Variants in CLIP1 observed in about 807,000 individuals in gnomAD.
CLIP1 encodes the protein CAP-Gly domain-containing linker protein 1.
CLIP1 carries 66 observed loss-of-function variants against 161.6 expected under a neutral mutation model. The ratio of observed to expected loss-of-function variants is 0.41; its 90% CI spans 0.33 to 0.50. The LOEUF is 0.50. Among genes scored for constraint, CLIP1 ranks in the 20% least tolerant of loss-of-function variants. The pLI, the probability that CLIP1 is intolerant of heterozygous loss-of-function variation, is 0.27. For missense variants in CLIP1, 1,376 were observed against 1,702.0 expected, an observed-to-expected ratio of 0.81 and a Z score of 3.37; for synonymous variants, 598 against 626.2, an observed-to-expected ratio of 0.96 and a Z score of 0.67.
intron 20 of CLIP1, among the ~76,000 whole-genome samples, chr12:122,308,232 CA>C (rs1950945472): frequency 1.3e-5 from 2 of 152,272 alleles, no homozygotes; most frequent in South Asian, 4.1e-4. Context: ...AAGGTCACAG[CA>C]TAAGTCAAGA....
chr12:122,342,184 T>C (rs1165604348), intron 10 of CLIP1: 1 of 152,262 alleles, frequency 6.6e-6, no homozygotes, highest in African/African-American at 2.4e-5. Context: ...CTAACTGTGA[T>C]AATGGCTTAA....
Position 122,403,496 on chromosome 12 carries a change from TTTG to T in CLIP1, c.-107+19022_-107+19024del, listed in dbSNP as rs1338708719. On this transcript the variant is annotated intron_variant, in intron 1 of 25. Coordinates refer to ENST00000620786, the MANE Select transcript of CLIP1 (RefSeq NM_001247997.2). ...TACAGTAGGAGACATCATTTCTTGTTTTGTTTTTTTTTTTTTTTTTTTTGGTCT... is the reference window on the plus strand; with the variant it reads ...TACAGTAGGAGACATCATTTCTTGTTTTTTTTTTTTTTTTTTTTTTGGTCT... Among the ~76,000 whole-genome samples the T allele has an allele frequency of 6.3e-3, 459 of 72,388 alleles. 15 individuals carry two copies. The highest frequency in any genetic ancestry group is 0.028 in the East Asian group (78 of 2,772). The allele number at this position is 72,388 out of a possible 152,430, so 47.5% of individuals were successfully genotyped here. A position where few individuals can be genotyped will look rare whatever the true frequency, so the allele number is the denominator to read the frequency against.
In CLIP1 at chr12:122,279,101, A is replaced by T. The variant is rs1296988535; in HGVS notation, c.3692T>A (p.Leu1231Ter). The part of the protein sequence containing the change: ...IKDADEEKAS[L>*]QKSISITSAL... ...ACTAGTTATACTGATGGATTTCTGC[A>T]AGGAAGCTTTCTCTTCATCTGCGTC... Residue 1231 changes from leucine (L) to a stop codon, truncating the protein, a stop_gained, in exon 22 of 26, where the codon TTG becomes TAG. Coordinates refer to ENST00000620786, the MANE Select transcript of CLIP1 (RefSeq NM_001247997.2). LOFTEE classifies it high-confidence loss of function. This position sits in a 1 kb window ranked among gnomAD's most constrained non-coding sequence, Gnocchi z 4.5. 2 of 1,613,018 alleles carry T rather than the reference A, an allele frequency of 1.2e-6. No homozygotes were observed. Among genetic ancestry groups the T allele is most frequent in the Non-Finnish European group, 1.7e-6 (2 of 1,179,802 alleles).
At chr12:122,283,421 A>G (rs1955724013) in intron 21 of CLIP1, among the ~76,000 whole-genome samples, 1 of 151,938 alleles carries the variant, frequency 6.6e-6, no homozygotes, top group South Asian at 2.1e-4. Flanking sequence ...GCAAATAAAG[A>G]AGGATTCCAC....
intron 1 of CLIP1, among the ~76,000 whole-genome samples, chr12:122,415,461 G>A (rs761189884): frequency 8.1e-4 from 112 of 138,656 alleles, no homozygotes; most frequent in Non-Finnish European, 1.1e-3. Context: ...CAGCCTGGGC[G>A]ACAGAGTGAG....
chr12:122,417,666 C>A (rs1170668801), intron 1 of CLIP1, among the ~76,000 whole-genome samples: 1 of 151,870 alleles, frequency 6.6e-6, no homozygotes, highest in Non-Finnish European at 1.5e-5. Flanking sequence ...GCACCCGCCA[C>A]CAAGCCTGGC....
At chr12:122,386,437 A>G (rs1244035066) in intron 1 of CLIP1, among the ~76,000 whole-genome samples, 1 of 152,234 alleles carries the variant, frequency 6.6e-6, no homozygotes, top group Non-Finnish European at 1.5e-5. Flanking sequence ...TCTTGAAAAG[A>G]GACAGTGAGT....
intron 20 of CLIP1, among the ~76,000 whole-genome samples, chr12:122,301,145 A>G (rs945473262): frequency 6.6e-6 from 1 of 152,224 alleles, no homozygotes; most frequent in African/African-American, 2.4e-5. Context: ...AGAATGCATG[A>G]TCTTGGACTG....
intron 1 of CLIP1, among the ~76,000 whole-genome samples, chr12:122,410,376 T>C (rs1288542536): frequency 6.7e-6 from 1 of 150,206 alleles, no homozygotes; most frequent in African/African-American, 2.5e-5. Context: ...AACATACCAT[T>C]GTTCTATACT....
At chr12:122,288,808 C>CT (rs200069106) in intron 20 of CLIP1, among the ~76,000 whole-genome samples, 4,673 of 114,218 alleles carry the variant, frequency 0.041, 383 homozygotes, top group African/African-American at 0.11. Context: ...CGAAGCACAT[C>CT]TTTTTTTTTT....
Position 122,380,349 on chromosome 12 carries a change from G to A in CLIP1, c.85+19C>T. 6.4e-7 allele frequency: 1 copy of A among 1,568,080 alleles called. No individual in the cohort carries two copies. The highest frequency in any genetic ancestry group is 8.7e-7 in the Non-Finnish European group (1 of 1,146,300). ...AAGTCTCCATATAGGATAAGGAAAG[G>A]AAAAGCGTAAAGTATTACCAGCCGT... On this transcript the variant is annotated intron_variant, in intron 2 of 25. Coordinates refer to ENST00000620786, the MANE Select transcript of CLIP1 (RefSeq NM_001247997.2).
intron 20 of CLIP1, among the ~76,000 whole-genome samples, chr12:122,293,492 T>G (rs1449532485): frequency 6.6e-6 from 1 of 152,126 alleles, no homozygotes; most frequent in African/African-American, 2.4e-5. Flanking sequence ...TTCTTTTTTT[T>G]TTTGAGACGG....
At chr12:122,315,018 G>A (rs559081405) in intron 19 of CLIP1, among the ~76,000 whole-genome samples, 1 of 152,190 alleles carries the variant, frequency 6.6e-6, no homozygotes, top group East Asian at 1.9e-4. Flanking sequence ...ATTTAAACTA[G>A]GACTGAGGAA....
At chr12:122,275,526 GC>G (rs1955375385) in intron 24 of CLIP1, 1 of 151,968 alleles carries the variant, frequency 6.6e-6, no homozygotes, top group Non-Finnish European at 1.5e-5. Flanking sequence ...CTGGAAACTC[GC>G]TTGAACCCAG....
chr12:122,282,083 G>A (rs1008142608), intron 21 of CLIP1, among the ~76,000 whole-genome samples: 4 of 152,266 alleles, frequency 2.6e-5, no homozygotes, highest in Admixed American at 6.5e-5. Context: ...TAAGGAGATC[G>A]CTGCCAGAAT....
chr12:122,378,610 C>T (rs1468389532), intron 2 of CLIP1, among the ~76,000 whole-genome samples: 1 of 152,194 alleles, frequency 6.6e-6, no homozygotes, highest in African/African-American at 2.4e-5. Context: ...TTATTTGCTA[C>T]ACCCGCCACC....
At chr12:122,288,908 C>T (rs1042273067) in intron 20 of CLIP1, among the ~76,000 whole-genome samples, 3 of 150,250 alleles carry the variant, frequency 2.0e-5, no homozygotes. Flanking sequence ...CTCCGCCTCC[C>T]GGGTTCACGC....
In CLIP1 at chr12:122,355,017, C is replaced by G; in HGVS notation, c.1203+98G>C. ...AATGTACACCCATTTCTTGTGCTCT[C>G]AAGTCTAGCTCCTCGGTGCCAAGCA... On this transcript the variant is annotated intron_variant, in intron 6 of 25. Transcript: ENST00000620786. The surrounding 1 kb of genome is among the most constrained non-coding windows in gnomAD (Gnocchi z 4.1). 9.3e-7 allele frequency: 1 copy of G among 1,073,466 alleles called. No homozygotes were observed. Among genetic ancestry groups the G allele is most frequent in the Non-Finnish European group, 1.4e-6 (1 of 723,222 alleles). 66.5% of individuals were successfully genotyped at this position (1,073,466 alleles called of 1,614,324 possible). A position where few individuals can be genotyped will look rare whatever the true frequency, so the allele number is the denominator to read the frequency against.
intron 20 of CLIP1, among the ~76,000 whole-genome samples, chr12:122,302,462 T>C (rs1409534489): frequency 2.0e-5 from 3 of 152,164 alleles, no homozygotes; most frequent in Admixed American, 6.5e-5. Context: ...GGGGTGTCTA[T>C]TATTTTGGAC....
Sources: allele counts gnomAD v4.1 joint callset (sites outside exome capture counted in the v4.1 genomes callset), GRCh38; gene constraint gnomAD v4.1.1; non-coding constraint Gnocchi (gnomAD v3.1); transcripts MANE v1.5; gene names NCBI Gene and HGNC (gene_info 2026-07-23, HGNC 2026-07-21).